ATP10B: variants seen among roughly 807,000 people sequenced by gnomAD.
ATP10B encodes the protein phospholipid-transporting ATPase VB.
Under a neutral mutation model 141.2 loss-of-function variants are expected in ATP10B, and 122 were observed. The ratio of observed to expected loss-of-function variants is 0.86; its 90% CI spans 0.75 to 1.00. ATP10B has a LOEUF of 1.00. Ranked by LOEUF, ATP10B falls within the 50% of genes least tolerant of loss-of-function variation. The pLI, the probability that ATP10B is intolerant of heterozygous loss-of-function variation, is 0.00. For missense variants in ATP10B, 1,876 were observed against 1,825.3 expected (o/e 1.03, Z -0.51); for synonymous variants, 685 against 692.0 (o/e 0.99, Z 0.16).
At chr5:160,851,012 C>A (rs1390713857) in intron 1 of ATP10B, among the ~76,000 whole-genome samples, 1 of 152,108 alleles carries the variant, frequency 6.6e-6, no homozygotes, top group Non-Finnish European at 1.5e-5. Context: ...GAATAATACT[C>A]CAAGCAGTCT....
Position 160,777,005 on chromosome 5 carries a change from C to T in ATP10B, c.-331+8554G>A, listed in dbSNP as rs112447288. ...GATCTGGCAAATGGGGATAAAACAACGTAAAGGCAGGTGCCTGAGCCAGAC... is the reference window on the plus strand; with the variant it reads ...GATCTGGCAAATGGGGATAAAACAATGTAAAGGCAGGTGCCTGAGCCAGAC... On this transcript the variant is annotated intron_variant, in intron 2 of 25. Transcript: ENST00000327245. 2.5e-3 allele frequency among the ~76,000 whole-genome samples: 376 copies of T among 152,242 alleles called. 2 individuals carry two copies. The highest frequency in any genetic ancestry group is 8.5e-3 in the African/African-American group (355 of 41,544).
chr5:160,567,599 G>C (rs60846185), intron 25 of ATP10B, among the ~76,000 whole-genome samples: 1,997 of 152,232 alleles, frequency 0.013, 37 homozygotes, highest in African/African-American at 0.044. Context: ...ACCTTTTAAA[G>C]CTGAAAACTG....
At chr5:160,637,017 TATCC>T (rs142599023) in intron 10 of ATP10B, among the ~76,000 whole-genome samples, 760 of 61,588 alleles carry the variant, frequency 0.012, 30 homozygotes, top group African/African-American at 0.026. Flanking sequence ...TCCATCCATC[TATCC>T]ATCCATCCAT....
chr5:160,776,925 C>T (rs1770373974), intron 2 of ATP10B, among the ~76,000 whole-genome samples: 1 of 152,170 alleles, frequency 6.6e-6, no homozygotes, highest in Admixed American at 6.5e-5. Context: ...TTTCCACAGG[C>T]AGCCAACCAG....
the ATP10B span, among the ~76,000 whole-genome samples, chr5:160,862,900 A>G: frequency 1.3e-5 from 2 of 152,012 alleles, no homozygotes; most frequent in Admixed American, 1.3e-4. Flanking sequence ...CATACTTGTT[A>G]GCCAAAAATG....
chr5:160,626,369 T>A (rs1758614329), intron 13 of ATP10B, among the ~76,000 whole-genome samples: 1 of 152,192 alleles, frequency 6.6e-6, no homozygotes, highest in Admixed American at 6.5e-5. Flanking sequence ...TTACTGAGAA[T>A]GCATAGCATA....
intron 2 of ATP10B, among the ~76,000 whole-genome samples, chr5:160,759,064 AT>A (rs768572678): frequency 4.6e-5 from 7 of 152,230 alleles, no homozygotes; most frequent in African/African-American, 1.4e-4. Flanking sequence ...CCACAAAAAA[AT>A]ATTATATGAT....
the ATP10B span, among the ~76,000 whole-genome samples, chr5:160,911,143 A>T: frequency 6.6e-6 from 1 of 152,168 alleles, no homozygotes; most frequent in Non-Finnish European, 1.5e-5. Context: ...CTTTCAAACT[A>T]TTGTTTCTTC....
intron 3 of ATP10B, among the ~76,000 whole-genome samples, chr5:160,716,378 G>A (rs1765662179): frequency 6.6e-6 from 1 of 152,010 alleles, no homozygotes; most frequent in Non-Finnish European, 1.5e-5. Flanking sequence ...CCTGTGATGG[G>A]GGGTACTATT....
chr5:160,751,103 A>G (rs973193211), intron 2 of ATP10B, among the ~76,000 whole-genome samples: 1 of 152,182 alleles, frequency 6.6e-6, no homozygotes, highest in Non-Finnish European at 1.5e-5. Flanking sequence ...TTTCTCTTCC[A>G]GACGGAGGGC....
At chr5:160,587,847 T>G (rs1225260687) in intron 24 of ATP10B, among the ~76,000 whole-genome samples, 1 of 152,180 alleles carries the variant, frequency 6.6e-6, no homozygotes. Context: ...AATCTTTTAT[T>G]TTTTCTTTTG....
chr5:160,839,148 T>G (rs1775662750), intron 1 of ATP10B, among the ~76,000 whole-genome samples: 1 of 152,170 alleles, frequency 6.6e-6, no homozygotes, highest in East Asian at 1.9e-4. Flanking sequence ...GGTATTCCTT[T>G]ATAGTAAAGC....
At chr5:160,820,629 GA>G (rs71285016) in intron 1 of ATP10B, among the ~76,000 whole-genome samples, 3 of 151,938 alleles carry the variant, frequency 2.0e-5, no homozygotes, top group African/African-American at 7.2e-5. Context: ...GAATATTGAT[GA>G]AAAAATCCTC....
the ATP10B span, among the ~76,000 whole-genome samples, chr5:160,870,975 T>TGAAATTCTTCTTCAAAAATACAGGA: frequency 1.3e-5 from 2 of 149,068 alleles, no homozygotes; most frequent in South Asian, 2.1e-4. Flanking sequence ...CTGTACTTTT[T>TGAAATTCTTCTTCAAAAATACAGGA]GAAATTATTC....
At chr5:160,808,585 G>A (rs1219487097) in intron 1 of ATP10B, among the ~76,000 whole-genome samples, 1 of 152,052 alleles carries the variant, frequency 6.6e-6, no homozygotes, top group Non-Finnish European at 1.5e-5. Context: ...TACCTTAACT[G>A]GATTGGCCAC....
intron 1 of ATP10B, among the ~76,000 whole-genome samples, chr5:160,813,625 G>A (rs777053095): frequency 1.7e-4 from 26 of 152,186 alleles, no homozygotes; most frequent in East Asian, 3.9e-4. Context: ...TGACAGCTTC[G>A]AAGAGAGTAG....
intron 2 of ATP10B, among the ~76,000 whole-genome samples, chr5:160,765,764 G>C (rs748398504): frequency 1.3e-5 from 2 of 152,096 alleles, no homozygotes; most frequent in Non-Finnish European, 2.9e-5. Flanking sequence ...TCAGTAAGCA[G>C]ACAACCCACA....
At position 160,612,800 on chromosome 5, in the gene ATP10B, G is replaced by C. The variant is rs369661838; in HGVS notation, c.2779C>G (p.His927Asp). Residue 927 changes from histidine to aspartate, a missense_variant, in exon 18 of 26, where the codon CAT becomes GAT. By Grantham distance (81) the His-to-Asp change is moderately conservative (BLOSUM62 -1). Coordinates refer to ENST00000327245, the MANE Select transcript of ATP10B (RefSeq NM_025153.3). The stretch of plus-strand genomic sequence containing the variant: ...GTCTGATTTAACAGTCTGCAGGAAT[G>C]GGCAATGTTGACCGCTGTCTCCTGC... ...DKQETAVNIA[H>D]SCRLLNQTDT... 7.4e-6 allele frequency: 12 copies of C among 1,613,942 alleles called. No homozygotes were observed. The African/African-American group carries it at 1.6e-4, about 22-fold the overall frequency.
rs568427179 is a variant in ATP10B, at chr5:160,603,741, G to C, written c.3237+224C>G. On this transcript the variant is annotated intron_variant, in intron 20 of 25. Transcript: ENST00000327245. ...ATGTCTGTTTAAATGGGAAAATTTA[G>C]CAGTCAAGTTAGTTTGCTTCTTCCA... 14 of 518,802 alleles carry C rather than the reference G, an allele frequency of 2.7e-5. 1 individual carries two copies. In the South Asian group the frequency reaches 4.0e-4, roughly 15 times the overall value. 32.1% of individuals were successfully genotyped at this position (518,802 alleles called of 1,614,324 possible). A position where few individuals can be genotyped will look rare whatever the true frequency, so the allele number is the denominator to read the frequency against.
Sources: allele counts gnomAD v4.1 joint callset (sites outside exome capture counted in the v4.1 genomes callset), GRCh38; gene constraint gnomAD v4.1.1; transcripts MANE v1.5; gene names NCBI Gene and HGNC (gene_info 2026-07-23, HGNC 2026-07-21).